Variants in CHSY3 observed in about 807,000 individuals in gnomAD.
CHSY3 encodes N-acetylgalactosaminyl-proteoglycan 3-beta-glucuronosyltransferase 3.
In CHSY3, 35 loss-of-function variants were observed where a neutral mutation model predicts 67.2. The observed-to-expected ratio is 0.52, with a 90% CI of 0.40 to 0.69. The LOEUF (loss-of-function observed/expected upper bound fraction) is 0.69. CHSY3 is among the 30% of genes least tolerant of loss of function. The probability of loss-of-function intolerance (pLI) is 0.00; values close to 1 mark genes in which losing one functional copy is unlikely to be tolerated. For missense variants in CHSY3, 1,069 were observed against 1,138.5 expected (o/e 0.94, Z 0.88); for synonymous variants, 474 against 434.7 (o/e 1.09, Z -1.12).
chr5:130,066,323 G>A (rs1009966016), intron 2 of CHSY3, among the ~76,000 whole-genome samples: 3 of 152,054 alleles, frequency 2.0e-5, no homozygotes, highest in African/African-American at 7.2e-5. Flanking sequence ...AATACCGCAT[G>A]ATGAATCCAG....
rs148449716 is a variant in CHSY3 at position 130,118,662 on chromosome 5, A to G, written c.1087-65567A>G. On this transcript the variant is annotated intron_variant, in intron 2 of 2. Transcript: ENST00000305031. ...TTCAGTAGTATTTTTGCAAACTATC[A>G]TCGATTTCCTTTTTCCACATGTAAC... is the stretch of plus-strand genomic sequence containing the variant. Among the ~76,000 whole-genome samples the G allele has an allele frequency of 4.1e-3, 630 of 152,272 alleles. 7 individuals carry two copies. Among genetic ancestry groups the G allele is most frequent in the South Asian group, 0.035 (169 of 4,822 alleles).
chr5:130,161,398 C>T (rs367608459), intron 2 of CHSY3, among the ~76,000 whole-genome samples: 166 of 152,228 alleles, frequency 1.1e-3, no homozygotes, highest in African/African-American at 3.7e-3. Context: ...ATTGGATGTC[C>T]TTCTTTTCAA....
intron 2 of CHSY3, among the ~76,000 whole-genome samples, chr5:130,153,786 C>T (rs1156903390): frequency 6.6e-6 from 1 of 152,048 alleles, no homozygotes; most frequent in African/African-American, 2.4e-5. Context: ...GTTTTATTTA[C>T]TTGGTTCATT....
At chr5:130,089,719 TG>T (rs1766811515) in intron 2 of CHSY3, among the ~76,000 whole-genome samples, 1 of 152,274 alleles carries the variant, frequency 6.6e-6, no homozygotes, top group South Asian at 2.1e-4. Flanking sequence ...TTTAGAAAAC[TG>T]GATTTCTCTT....
chr5:130,036,274 AT>A (rs1764860613), intron 2 of CHSY3, among the ~76,000 whole-genome samples: 1 of 152,094 alleles, frequency 6.6e-6, no homozygotes, highest in Admixed American at 6.6e-5. Context: ...TGTCTTCTGT[AT>A]CTTCTCACTT....
intron 2 of CHSY3, chr5:130,141,177 A>C: frequency 2.3e-6 from 1 of 439,198 alleles, no homozygotes; most frequent in Non-Finnish European, 4.5e-6. Flanking sequence ...AGCAAATCTG[A>C]AAATGTTCAA....
At chr5:130,067,333 T>TG (rs1765916615) in intron 2 of CHSY3, among the ~76,000 whole-genome samples, 2 of 152,184 alleles carry the variant, frequency 1.3e-5, no homozygotes, top group South Asian at 4.1e-4. Context: ...TTATGTAACA[T>TG]GGTTTGAAAT....
At chr5:130,091,141 C>CGT (rs1491578570) in intron 2 of CHSY3, among the ~76,000 whole-genome samples, 16 of 115,950 alleles carry the variant, frequency 1.4e-4, no homozygotes, top group South Asian at 5.6e-4. Flanking sequence ...CACACGCACA[C>CGT]GCGCGCACAC....
intron 2 of CHSY3, among the ~76,000 whole-genome samples, chr5:130,183,346 G>A (rs1237960209): frequency 6.6e-6 from 1 of 152,000 alleles, no homozygotes; most frequent in South Asian, 2.1e-4. Flanking sequence ...TTTTGGGTAT[G>A]ATACTTTACA....
intron 2 of CHSY3, among the ~76,000 whole-genome samples, chr5:130,112,180 C>A (rs949760813): frequency 1.3e-5 from 2 of 152,066 alleles, no homozygotes; most frequent in Admixed American, 6.6e-5. Context: ...AGATATCAAA[C>A]AACTTGTTGT....
chr5:130,052,234 G>A (rs1280821695), intron 2 of CHSY3: 6 of 152,112 alleles, frequency 3.9e-5, no homozygotes, highest in Admixed American at 3.9e-4. Flanking sequence ...TAGCCAATCT[G>A]GGCTCAAGAA....
intron 2 of CHSY3, among the ~76,000 whole-genome samples, chr5:130,021,862 T>A (rs1764400769): frequency 6.6e-6 from 1 of 152,126 alleles, no homozygotes; most frequent in Non-Finnish European, 1.5e-5. Flanking sequence ...TTCAATAAAA[T>A]TAAAAAGGAG....
intron 2 of CHSY3, among the ~76,000 whole-genome samples, chr5:129,932,012 A>G (rs1482563466): frequency 6.6e-6 from 1 of 151,554 alleles, no homozygotes; most frequent in Non-Finnish European, 1.5e-5. Context: ...AAATAATAGG[A>G]TGTATGAAAA....
chr5:129,966,358 A>AT (rs927909949), intron 2 of CHSY3, among the ~76,000 whole-genome samples: 6 of 151,744 alleles, frequency 4.0e-5, no homozygotes, highest in Non-Finnish European at 8.8e-5. Flanking sequence ...ATTGTGTAAA[A>AT]TTTGCTGCAC....
At chr5:130,135,108 TAAAC>T (rs1183240111) in intron 2 of CHSY3, among the ~76,000 whole-genome samples, 1 of 152,100 alleles carries the variant, frequency 6.6e-6, no homozygotes, top group Non-Finnish European at 1.5e-5. Context: ...TCTATATTTT[TAAAC>T]ATACATACAG....
At chr5:130,035,886 G>GTTGT (rs1377594112) in intron 2 of CHSY3, among the ~76,000 whole-genome samples, 1 of 65,532 alleles carries the variant, frequency 1.5e-5, no homozygotes, top group African/African-American at 6.0e-5. Context: ...TCATTTGGTT[G>GTTGT]TTTTTTTTTT....
chr5:130,166,047 C>T (rs1038326767), intron 2 of CHSY3, among the ~76,000 whole-genome samples: 1 of 152,122 alleles, frequency 6.6e-6, no homozygotes, highest in African/African-American at 2.4e-5. Context: ...GCCATGAAAA[C>T]AAATCCAAAA....
At chr5:130,108,754 T>G (rs1767493529) in intron 2 of CHSY3, among the ~76,000 whole-genome samples, 1 of 151,714 alleles carries the variant, frequency 6.6e-6, no homozygotes, top group Non-Finnish European at 1.5e-5. Context: ...AACATTCACA[T>G]GCTATATTAT....
At chr5:130,109,034 A>T in intron 2 of CHSY3, among the ~76,000 whole-genome samples, 1 of 151,714 alleles carries the variant, frequency 6.6e-6, no homozygotes, top group South Asian at 2.1e-4. Context: ...GAAGATTGCA[A>T]ATTACTTCAG....
Sources: gnomAD v4.1 joint callset for allele counts (sites outside exome capture counted in the v4.1 genomes callset) on GRCh38, gnomAD v4.1.1 for gene constraint, MANE v1.5 for transcripts, NCBI Gene and HGNC (gene_info 2026-07-23, HGNC 2026-07-21) for gene names.